The following C2 variants were observed in gnomAD, a reference collection of about 807,000 sequenced individuals.
C2 encodes the protein C3/C5 convertase.
In C2, 64 loss-of-function variants were observed where a neutral mutation model predicts 85.2. The ratio of observed to expected loss-of-function variants is 0.75; its 90% CI spans 0.61 to 0.92. The LOEUF is 0.92. Among genes scored for constraint, C2 ranks in the 40% least tolerant of loss-of-function variants. C2 has a pLI of 0.00. For synonymous variants in C2, 311 were observed against 370.8 expected (o/e 0.84, Z 1.85); for missense variants, 820 against 971.6 (o/e 0.84, Z 2.07).
At chr6:31,905,573 C>T (rs569415859) in intron 1 of C2, among the ~76,000 whole-genome samples, 2 of 151,530 alleles carry the variant, frequency 1.3e-5, no homozygotes, top group Non-Finnish European at 2.9e-5. Flanking sequence ...TTGAGACCAG[C>T]CTGGGCAACA....
At chr6:31,929,717 CAAA>C (rs9279455) in intron 3 of C2, among the ~76,000 whole-genome samples, 8 of 42,518 alleles carry the variant, frequency 1.9e-4, no homozygotes, top group African/African-American at 8.6e-4. Context: ...GACTCTGTCT[CAAA>C]AAAAAAAAAA....
intron 5 of C2, 80 bp from the exon 6 acceptor site, chr6:31,934,086 A>G (rs574159008): frequency 2.5e-6 from 4 of 1,574,124 alleles, no homozygotes; most frequent in Non-Finnish European, 1.7e-6. Flanking sequence ...AAAGGGAGGG[A>G]GGCAGAGAAG....
chr6:31,944,014 T>C lies in C2; in HGVS notation c.1810+21T>C, dbSNP rs1164998792. On this transcript the variant is annotated intron_variant, in intron 14 of 17. Coordinates refer to ENST00000299367, the MANE Select transcript of C2 (RefSeq NM_000063.6). The surrounding 1 kb of genome is among the most constrained non-coding windows in gnomAD (Gnocchi z 5.1). ...CCATGGTGAGTGCTGGGACTTATGG[T>C]GCTTGAGAGCTGGGGCCGGGGTTTG... The C allele has an allele frequency of 5.6e-6, 9 of 1,611,392 alleles. No individual in the cohort carries two copies. Among genetic ancestry groups the C allele is most frequent in the Non-Finnish European group, 7.6e-6 (9 of 1,178,522 alleles).
intron 1 of C2, among the ~76,000 whole-genome samples, chr6:31,913,030 C>CAA (rs34465217): frequency 0.012 from 857 of 69,000 alleles, 5 homozygotes; most frequent in African/African-American, 0.023. Flanking sequence ...CCTGTTTCCA[C>CAA]AAAAAAAAAA....
chr6:31,933,717 ACGGGG>A lies in C2; in HGVS notation c.551_555del (p.Thr184IlefsTer26). On this transcript the variant is annotated frameshift_variant, in exon 4 of 18. Transcript: ENST00000299367. LOFTEE classifies it high-confidence loss of function. The stretch of plus-strand genomic sequence containing the variant: ...TCGCTGCTCCTCGAATCTTGTGCTC[ACGGGG>A]TCTTCGGAGCGGGAGTGCCAGGGCA... 5 of 1,613,368 alleles carry A rather than the reference ACGGGG, an allele frequency of 3.1e-6. No homozygotes were observed. Among genetic ancestry groups the A allele is most frequent in the Non-Finnish European group, 4.2e-6 (5 of 1,180,028 alleles).
chr6:31,939,113 G>T (rs2151763341), intron 8 of C2, 118 bp from the exon 9 acceptor site: 2 of 784,694 alleles, frequency 2.5e-6, no homozygotes, highest in Non-Finnish European at 4.6e-6. Context: ...AGTATATTTT[G>T]AAGCTCTCAC....
upstream of C2, among the ~76,000 whole-genome samples, chr6:31,917,280 GATAA>G (rs1768605200): frequency 6.6e-6 from 1 of 150,972 alleles, no homozygotes; most frequent in Non-Finnish European, 1.5e-5. Flanking sequence ...AGAAGTGAAA[GATAA>G]ATAGTTTTGC....
In C2 at chr6:31,943,761, T is replaced by C. The variant is rs745520394; in HGVS notation, c.1685T>C (p.Ile562Thr). ...QGILEFYGDD[I>T]ALLKLAQKVK... The stretch of plus-strand genomic sequence containing the variant: ...ATCCTGGAGTTCTATGGTGATGACA[T>C]AGCTCTGCTGAAGCTGGCCCAGAAA... The change falls in exon 13 of 18, where the codon ATA (isoleucine) becomes ACA (threonine). Residue 562 changes from isoleucine to threonine, a missense_variant. Transcript: ENST00000299367. The surrounding 1 kb of genome is among the most constrained non-coding windows in gnomAD (Gnocchi z 6.4). The C allele has an allele frequency of 1.9e-6, 3 of 1,613,084 alleles. No individual in the cohort carries two copies. In the Admixed American group the frequency reaches 5.0e-5, roughly 27 times the overall value.
upstream of C2, chr6:31,899,840 C>G: frequency 7.1e-7 from 1 of 1,409,002 alleles, no homozygotes; most frequent in Non-Finnish European, 9.5e-7. Flanking sequence ...GCCCCAGACC[C>G]CCCACCCCCC....
upstream of C2, among the ~76,000 whole-genome samples, chr6:31,915,430 C>G (rs1768438233): frequency 6.6e-6 from 1 of 152,158 alleles, no homozygotes; most frequent in African/African-American, 2.4e-5. Context: ...ATTGATGAAA[C>G]CTTTCTGATC....
At position 31,944,986 on chromosome 6, in the gene C2, C is replaced by A; in HGVS notation, c.2036C>A (p.Ser679Tyr). 2 of 1,613,084 alleles carry A rather than the reference C, an allele frequency of 1.2e-6. No individual in the cohort carries two copies. The highest frequency in any genetic ancestry group is 1.7e-6 in the Non-Finnish European group (2 of 1,180,036). The change falls in exon 17 of 18, where the codon TCT becomes TAT. Residue 679 changes from serine to tyrosine, a missense_variant. Transcript: ENST00000299367. This position sits in a 1 kb window ranked among gnomAD's most constrained non-coding sequence, Gnocchi z 5.1. ...TGTCACCCTTTGCTGGCAGGAGAAT[C>A]TGGGGGAGCAGTTTTCCTTGAGCGG... ...QEDESPCKGE[S>Y]GGAVFLERRF...
chr6:31,932,038 G>T (rs41285751), intron 3 of C2, among the ~76,000 whole-genome samples: 3,463 of 124,216 alleles, frequency 0.028, 29 homozygotes, highest in African/African-American at 0.048. Flanking sequence ...CCGGGCAGAG[G>T]GGCTCCTCAC....
chr6:31,917,123 A>G (rs1338471828), upstream of C2, among the ~76,000 whole-genome samples: 2 of 150,374 alleles, frequency 1.3e-5, no homozygotes, highest in Non-Finnish European at 3.0e-5. Flanking sequence ...GTGAGCCAAG[A>G]CGGCACCACT....
upstream of C2, chr6:31,899,882 C>G (rs751947427): frequency 6.6e-7 from 1 of 1,508,748 alleles, no homozygotes; most frequent in Non-Finnish European, 8.8e-7. Flanking sequence ...CCTTTTTCCA[C>G]GCAGCCCAGG....
Position 31,927,864 on chromosome 6 carries a change from C to A in C2, c.46+66C>A. On this transcript the variant is annotated intron_variant, in intron 1 of 17. Coordinates refer to ENST00000299367, the MANE Select transcript of C2 (RefSeq NM_000063.6). This position sits in a 1 kb window ranked among gnomAD's most constrained non-coding sequence, Gnocchi z 4.7. The stretch of plus-strand genomic sequence containing the variant: ...GAGGTTGGTGCTCCCAGCTTGAATT[C>A]CCATGTGTGAAACAGTCTCTTTTGC... The A allele has an allele frequency of 6.3e-7, 1 of 1,587,358 alleles. No individual in the cohort carries two copies. The highest frequency in any genetic ancestry group is 1.1e-5 in the South Asian group (1 of 90,562).
chr6:31,943,766 C>T lies in C2; in HGVS notation c.1690C>T (p.Leu564=). Reference sequence around the variant, plus strand: ...GGAGTTCTATGGTGATGACATAGCTCTGCTGAAGCTGGCCCAGAAAGTAAA... The same window carrying T: ...GGAGTTCTATGGTGATGACATAGCTTTGCTGAAGCTGGCCCAGAAAGTAAA... The part of the protein sequence containing the change: ...ILEFYGDDIA[L]LKLAQKVKMS... Residue 564 remains leucine, a synonymous_variant, in exon 13 of 18, where the codon CTG becomes TTG. Coordinates refer to ENST00000299367, the MANE Select transcript of C2 (RefSeq NM_000063.6). The surrounding 1 kb of genome is among the most constrained non-coding windows in gnomAD (Gnocchi z 6.4). 6.2e-7 allele frequency: 1 copy of T among 1,613,114 alleles called. No individual in the cohort carries two copies. The highest frequency in any genetic ancestry group is 1.1e-5 in the South Asian group (1 of 91,090).
upstream of C2, chr6:31,899,681 C>G: frequency 1.9e-6 from 1 of 520,802 alleles, no homozygotes; most frequent in Non-Finnish European, 3.4e-6. Context: ...AGAAGGAAAT[C>G]TTTCTCTGGG....
chr6:31,939,289 G>C lies in C2; in HGVS notation c.1188G>C (p.Leu396=). ...KTAVDHIREI[L]NINQKRNDYL... ...CTGTTGACCATATCAGAGAGATCCT[G>C]AACATCAACCAGAAGAGGAATGACT... The change falls in exon 9 of 18, where the codon CTG becomes CTC. Residue 396 remains leucine, a synonymous_variant. Coordinates refer to ENST00000299367, the MANE Select transcript of C2 (RefSeq NM_000063.6). 1 of 1,612,618 alleles carries C rather than the reference G, an allele frequency of 6.2e-7. No individual in the cohort carries two copies. The highest frequency in any genetic ancestry group is 8.5e-7 in the Non-Finnish European group (1 of 1,179,898).
rs1767554215 is a variant in C2, at chr6:31,904,013, G to A, written c.73+2874G>A. ...TGAGCCTACTCTGGCTCAGAAGGCT[G>A]CCAGATTCGCAAATCATTAAAAAAA... On this transcript the variant is annotated intron_variant, in intron 1 of 3. Transcript: ENST00000452202. This position sits in a 1 kb window ranked among gnomAD's most constrained non-coding sequence, Gnocchi z 4.4. Among the ~76,000 whole-genome samples the A allele has an allele frequency of 6.6e-6, 1 of 151,806 alleles. No individual in the cohort carries two copies. Among genetic ancestry groups the A allele is most frequent in the African/African-American group, 2.4e-5 (1 of 41,228 alleles).
Sources: gnomAD v4.1 joint callset for allele counts (sites outside exome capture counted in the v4.1 genomes callset) on GRCh38, gnomAD v4.1.1 for gene constraint, Gnocchi (gnomAD v3.1) non-coding constraint, MANE v1.5 for transcripts, NCBI Gene and HGNC (gene_info 2026-07-23, HGNC 2026-07-21) for gene names.